Variants in ZNF831 observed in about 807,000 individuals in gnomAD.
ZNF831 encodes zinc finger protein 831.
In ZNF831, 59 loss-of-function variants were observed where a neutral mutation model predicts 95.8. That is an observed-to-expected ratio of 0.62 (90% CI 0.50 to 0.77). The LOEUF (loss-of-function observed/expected upper bound fraction) is 0.77. Among genes scored for constraint, ZNF831 ranks in the 30% least tolerant of loss-of-function variants. ZNF831 has a pLI of 0.00. For missense variants in ZNF831, 2,205 were observed against 2,164.0 expected (o/e 1.02, Z -0.38); for synonymous variants, 961 against 925.5 (o/e 1.04, Z -0.70).
At chr20:59,221,257 G>T (rs1199460056) in intron 4 of ZNF831, among the ~76,000 whole-genome samples, 1 of 152,210 alleles carries the variant, frequency 6.6e-6, no homozygotes, top group African/African-American at 2.4e-5. Context: ...AGCTCGTAGG[G>T]ATTCGGGAGT....
intron 1 of ZNF831, among the ~76,000 whole-genome samples, chr20:59,173,486 A>G (rs552166220): frequency 1.3e-5 from 2 of 152,282 alleles, no homozygotes; most frequent in East Asian, 1.9e-4. Flanking sequence ...AAAGAAATCC[A>G]TTTCATACCA....
intron 1 of ZNF831, among the ~76,000 whole-genome samples, chr20:59,134,749 C>T (rs1390177464): frequency 2.6e-5 from 4 of 152,226 alleles, no homozygotes; most frequent in Non-Finnish European, 5.9e-5. Flanking sequence ...CTGTAGTCTT[C>T]CTCACAGAGC....
At chr20:59,187,382 G>C (rs1377629713) in intron 1 of ZNF831, among the ~76,000 whole-genome samples, 5 of 152,118 alleles carry the variant, frequency 3.3e-5, no homozygotes, top group African/African-American at 1.2e-4. Flanking sequence ...TCCGTGATGT[G>C]AGGGGGCAGC....
At chr20:59,188,967 A>C (rs1016277315) in intron 1 of ZNF831, among the ~76,000 whole-genome samples, 13 of 152,174 alleles carry the variant, frequency 8.5e-5, no homozygotes, top group Admixed American at 7.9e-4. Context: ...GATCACCCGA[A>C]GTCAGGAGTT....
At chr20:59,212,200 A>T (rs1326851083) in intron 4 of ZNF831, among the ~76,000 whole-genome samples, 1 of 152,154 alleles carries the variant, frequency 6.6e-6, no homozygotes, top group Non-Finnish European at 1.5e-5. Flanking sequence ...TTAAAAAAAT[A>T]TTTTTAAAAA....
chr20:59,185,934 C>T (rs192818839), intron 1 of ZNF831, among the ~76,000 whole-genome samples: 82 of 148,346 alleles, frequency 5.5e-4, no homozygotes, highest in African/African-American at 2.1e-3. Flanking sequence ...CCCTGCTCAC[C>T]TATTCTCCGA....
intron 4 of ZNF831, among the ~76,000 whole-genome samples, chr20:59,209,177 CAGTG>C (rs1390523302): frequency 7.2e-5 from 11 of 152,164 alleles, no homozygotes; most frequent in Admixed American, 7.2e-4. Context: ...GACGGTCTGT[CAGTG>C]TGAGATTCAA....
At chr20:59,202,302 G>T (rs1984587238) in intron 3 of ZNF831, among the ~76,000 whole-genome samples, 1 of 143,466 alleles carries the variant, frequency 7.0e-6, no homozygotes, top group African/African-American at 2.6e-5. Context: ...ATAGTCTCTT[G>T]CACTTGACTC....
chr20:59,211,078 G>GA (rs1002280502), intron 4 of ZNF831, among the ~76,000 whole-genome samples: 3 of 145,814 alleles, frequency 2.1e-5, no homozygotes, highest in Admixed American at 6.7e-5. Flanking sequence ...AATCCAAGGA[G>GA]AAAAAAAAAT....
intron 2 of ZNF831, among the ~76,000 whole-genome samples, chr20:59,157,325 A>T (rs1295543281): frequency 6.6e-6 from 1 of 152,216 alleles, no homozygotes; most frequent in Non-Finnish European, 1.5e-5. Flanking sequence ...AACAAGTCCT[A>T]CTGAAAGTGT....
rs1988113666 is a variant in ZNF831 at position 59,255,042 on chromosome 20, C to CAGA, written c.*301_*302insAAG. ...TGCACAGTGACTGGGCCTTGACTCC[C>CAGA]AGCCTCGTCTTCTGCACCTGTCCCC... On this transcript the variant is annotated 3_prime_UTR_variant, in exon 6 of 6. Coordinates refer to ENST00000371030, the MANE Select transcript of ZNF831 (RefSeq NM_178457.3). The CAGA allele has an allele frequency of 1.4e-5, 4 of 276,558 alleles. No homozygotes were observed. Among genetic ancestry groups the CAGA allele is most frequent in the African/African-American group, 8.6e-5 (4 of 46,312 alleles). 17.1% of individuals were successfully genotyped at this position (276,558 alleles called of 1,614,324 possible). A position where few individuals can be genotyped will look rare whatever the true frequency, so the allele number is the denominator to read the frequency against.
In ZNF831 at chr20:59,254,764, G is replaced by GTT. The variant is rs1384558068; in HGVS notation, c.*22_*23insTT. 2 of 1,524,838 alleles carry GTT rather than the reference G, an allele frequency of 1.3e-6. No individual in the cohort carries two copies. Among genetic ancestry groups the GTT allele is most frequent in the East Asian group, 2.5e-5 (1 of 40,312 alleles). 94.5% of individuals were successfully genotyped at this position (1,524,838 alleles called of 1,614,324 possible). A position where few individuals can be genotyped will look rare whatever the true frequency, so the allele number is the denominator to read the frequency against. ...TATGAAGCTTCCAGAGAAACATGGT[G>GTT]TCTGGTCAAAAAGACTGTTGACGCT... On this transcript the variant is annotated 3_prime_UTR_variant, in exon 6 of 6. Transcript: ENST00000371030. This position sits in a 1 kb window ranked among gnomAD's most constrained non-coding sequence, Gnocchi z 4.5.
In ZNF831 at chr20:59,191,610, C is replaced by T. The variant is rs2146550548; in HGVS notation, c.591C>T (p.Leu197=). The change falls in exon 2 of 6, where the codon CTC becomes CTT. Residue 197 remains leucine (L), a synonymous_variant. Transcript: ENST00000371030. ...LYKHRRTQTH[L]NNSRLSSESE... is the part of the protein sequence containing the mutation. ...AGCACAGGCGGACGCAGACGCACCTCAACAACTCCCGGCTGTCCTCAGAGT... is the reference window on the plus strand; with the variant it reads ...AGCACAGGCGGACGCAGACGCACCTTAACAACTCCCGGCTGTCCTCAGAGT... 6.3e-7 allele frequency: 1 copy of T among 1,593,570 alleles called. No homozygotes were observed. Among genetic ancestry groups the T allele is most frequent in the Non-Finnish European group, 8.6e-7 (1 of 1,168,402 alleles).
At chr20:59,204,138 A>G (rs770219332) in intron 3 of ZNF831, among the ~76,000 whole-genome samples, 1 of 152,182 alleles carries the variant, frequency 6.6e-6, no homozygotes, top group African/African-American at 2.4e-5. Context: ...AAACCCTAAA[A>G]TATACATTAG....
intron 1 of ZNF831, among the ~76,000 whole-genome samples, chr20:59,142,189 T>C (rs1045845577): frequency 1.3e-5 from 2 of 152,126 alleles, no homozygotes; most frequent in African/African-American, 2.4e-5. Context: ...AGTCAGTAGT[T>C]GGCAGGGGGA....
chr20:59,228,696 A>G (rs1986562366), intron 4 of ZNF831, among the ~76,000 whole-genome samples: 1 of 152,142 alleles, frequency 6.6e-6, no homozygotes, highest in African/African-American at 2.4e-5. Context: ...AGTGATATAT[A>G]TTAGTTGCAC....
intron 3 of ZNF831, among the ~76,000 whole-genome samples, chr20:59,199,076 TATCTATCTATCTATCTATC>T (rs1463138220): frequency 3.0e-3 from 1 of 332 alleles, no homozygotes. Context: ...CTTACATATC[TATCTATCTATCTATCTATC>T]TATCTATCTA....
intron 2 of ZNF831, among the ~76,000 whole-genome samples, chr20:59,147,836 G>A (rs906616425): frequency 2.6e-5 from 4 of 152,208 alleles, no homozygotes; most frequent in Non-Finnish European, 5.9e-5. Context: ...TATTTCAGAG[G>A]CGAGGCTGTA....
intron 4 of ZNF831, among the ~76,000 whole-genome samples, chr20:59,223,855 C>T (rs898772641): frequency 6.6e-6 from 1 of 152,204 alleles, no homozygotes; most frequent in Non-Finnish European, 1.5e-5. Flanking sequence ...CACTTGCACA[C>T]ATACCCCATC....
Sources: gnomAD v4.1 joint callset for allele counts (sites outside exome capture counted in the v4.1 genomes callset) on GRCh38, gnomAD v4.1.1 for gene constraint, Gnocchi (gnomAD v3.1) non-coding constraint, MANE v1.5 for transcripts, NCBI Gene and HGNC (gene_info 2026-07-23, HGNC 2026-07-21) for gene names.